The following ZDHHC3 variants were observed in gnomAD, a reference collection of about 807,000 sequenced individuals.
ZDHHC3 encodes the protein zDHHC palmitoyltransferase 3.
Under a neutral mutation model 30.6 loss-of-function variants are expected in ZDHHC3, and 9 were observed. That is an observed-to-expected ratio of 0.29 (90% CI 0.18 to 0.51). ZDHHC3 has a LOEUF of 0.51. ZDHHC3 is among the 20% of genes least tolerant of loss of function. The probability of loss-of-function intolerance (pLI) is 0.97; values close to 1 mark genes in which losing one functional copy is unlikely to be tolerated. For missense variants in ZDHHC3, 246 were observed against 384.2 expected (o/e 0.64, Z 3.01); for synonymous variants, 136 against 140.2 (o/e 0.97, Z 0.21).
chr3:44,973,911 T>C (rs1436596084), intron 1 of ZDHHC3, among the ~76,000 whole-genome samples: 2 of 152,238 alleles, frequency 1.3e-5, no homozygotes, highest in African/African-American at 2.4e-5. Context: ...ATGAATCTAA[T>C]AGTGATGGAA....
chr3:44,951,170 AT>A (rs755606741), intron 2 of ZDHHC3, among the ~76,000 whole-genome samples: 21 of 152,260 alleles, frequency 1.4e-4, no homozygotes, highest in East Asian at 9.6e-4. Context: ...CTATAGGCTC[AT>A]AAAAAGCAGA....
intron 4 of ZDHHC3, chr3:44,933,480 C>T (rs537897519): frequency 3.4e-5 from 19 of 561,248 alleles, no homozygotes; most frequent in Admixed American, 1.6e-4. Context: ...GCTGCCTGGG[C>T]GGGGGGTTCA....
rs1427822969 is a variant in ZDHHC3 at position 44,933,951 on chromosome 3, GT to G, written c.464del (p.His155ProfsTer10). ...VCKRCIRKMD[H>X]HCPWVNNCVG... ...CACAGTTGTTGACCCAGGGACAGTG[GT>G]GGTCCATCTTCCGAATGCACCGCTT... On this transcript the variant is annotated frameshift_variant, in exon 4 of 7. Transcript: ENST00000424952. LOFTEE classifies it high-confidence loss of function. 6.2e-7 allele frequency: 1 copy of G among 1,614,068 alleles called. No individual in the cohort carries two copies. The highest frequency in any genetic ancestry group is 1.3e-5 in the African/African-American group (1 of 74,930).
chr3:44,947,436 GTGGGCCTATCTATGCCT>G (rs1183635194), intron 2 of ZDHHC3, among the ~76,000 whole-genome samples: 3 of 152,214 alleles, frequency 2.0e-5, no homozygotes, highest in Non-Finnish European at 2.9e-5. Flanking sequence ...CCACTGACAG[GTGGGCCTATCTATGCCT>G]TAGTTTCCTA....
intron 2 of ZDHHC3, among the ~76,000 whole-genome samples, chr3:44,948,401 C>T (rs1167111960): frequency 6.6e-6 from 1 of 152,186 alleles, no homozygotes; most frequent in Non-Finnish European, 1.5e-5. Flanking sequence ...CTGTCTTGCA[C>T]TGTGAAAATG....
chr3:44,949,791 A>G (rs891399933), intron 2 of ZDHHC3, among the ~76,000 whole-genome samples: 1 of 152,110 alleles, frequency 6.6e-6, no homozygotes, highest in Admixed American at 6.5e-5. Context: ...GCACTGGTCC[A>G]GGCAGAGGAC....
rs552688599 is a variant in ZDHHC3, at chr3:44,961,215, A to G, written c.-24-1755T>C. Among the ~76,000 whole-genome samples, 6 of 152,290 alleles carry G rather than the reference A, an allele frequency of 3.9e-5. No homozygotes were observed. In the East Asian group the frequency reaches 1.2e-3, roughly 29 times the overall value. On this transcript the variant is annotated intron_variant, in intron 1 of 6. Transcript: ENST00000424952. ...AGACCATCCTGGCTAACACGGTGAA[A>G]CCCCATCTCTACTGAAAATACAAAA...
chr3:44,951,003 T>C (rs1256644095), intron 2 of ZDHHC3, among the ~76,000 whole-genome samples: 1 of 152,226 alleles, frequency 6.6e-6, no homozygotes, highest in Non-Finnish European at 1.5e-5. Flanking sequence ...TCCAAAGTAA[T>C]ACTTGTTCAT....
At chr3:44,943,732 G>A (rs939810569) in intron 3 of ZDHHC3, among the ~76,000 whole-genome samples, 7 of 152,134 alleles carry the variant, frequency 4.6e-5, no homozygotes, top group African/African-American at 1.4e-4. Context: ...TATGTCAGTC[G>A]AGGTGGCTCA....
At chr3:44,937,562 T>TG (rs1413800826) in intron 3 of ZDHHC3, 5 of 147,682 alleles carry the variant, frequency 3.4e-5, no homozygotes, top group Admixed American at 6.8e-5. Context: ...TTTTTTTTTT[T>TG]TTTTTTTTTT....
At chr3:44,968,742 T>C (rs1705163072) in intron 1 of ZDHHC3, among the ~76,000 whole-genome samples, 1 of 152,346 alleles carries the variant, frequency 6.6e-6, no homozygotes, top group African/African-American at 2.4e-5. Flanking sequence ...CCTTCTTCTA[T>C]GAGCCCCTTC....
intron 2 of ZDHHC3, among the ~76,000 whole-genome samples, chr3:44,955,489 A>G (rs923530296): frequency 6.7e-6 from 1 of 148,556 alleles, no homozygotes; most frequent in East Asian, 2.0e-4. Context: ...ATATATATAT[A>G]TTTTAAACTA....
Position 44,923,135 on chromosome 3 carries a change from G to A in ZDHHC3, c.*3554C>T. Reference sequence around the variant, plus strand: ...CTGTCGCCCAGGCTGGAGTGCAGTGGTGCGATCTTGGCTCACTGCAAGCTC... The same window carrying A: ...CTGTCGCCCAGGCTGGAGTGCAGTGATGCGATCTTGGCTCACTGCAAGCTC... On this transcript the variant is annotated 3_prime_UTR_variant, in exon 7 of 7. Transcript: ENST00000424952. 1.0e-6 allele frequency: 1 copy of A among 957,084 alleles called. No homozygotes were observed. Among genetic ancestry groups the A allele is most frequent in the Non-Finnish European group, 1.2e-6 (1 of 804,824 alleles). The allele number at this position is 957,084 out of a possible 1,614,324, so 59.3% of individuals were successfully genotyped here.
At chr3:44,967,470 G>T (rs1575951500) in intron 1 of ZDHHC3, among the ~76,000 whole-genome samples, 1 of 152,274 alleles carries the variant, frequency 6.6e-6, no homozygotes, top group Admixed American at 6.5e-5. Flanking sequence ...GATCACTGGA[G>T]CCCAGGAGTT....
chr3:44,940,770 A>T (rs966254511), intron 3 of ZDHHC3, among the ~76,000 whole-genome samples: 3 of 152,024 alleles, frequency 2.0e-5, no homozygotes, highest in Non-Finnish European at 2.9e-5. Context: ...ATATGTATTC[A>T]GTTTCTCTGG....
chr3:44,955,999 T>A (rs549503233), intron 2 of ZDHHC3, among the ~76,000 whole-genome samples: 1 of 152,374 alleles, frequency 6.6e-6, no homozygotes, highest in Admixed American at 6.5e-5. Context: ...GGAAGCTAAC[T>A]GTTGTTTAGG....
chr3:44,961,035 G>A (rs1252752879), intron 1 of ZDHHC3, among the ~76,000 whole-genome samples: 6 of 152,196 alleles, frequency 3.9e-5, no homozygotes, highest in East Asian at 1.9e-4. Context: ...AAGGAATATC[G>A]ACTCAGCAAA....
intron 2 of ZDHHC3, among the ~76,000 whole-genome samples, chr3:44,949,965 A>T (rs1220710276): frequency 6.6e-6 from 1 of 152,046 alleles, no homozygotes; most frequent in Non-Finnish European, 1.5e-5. Context: ...CCGCCCAAGT[A>T]GCTGGAACTA....
chr3:44,919,384 C>T lies in ZDHHC3; in HGVS notation c.*7305G>A, dbSNP rs1028319187. The stretch of plus-strand genomic sequence containing the variant: ...AAAACACAATCTGAAGGACAGCCTA[C>T]AGAATACCTGCCCTACAATCTTCAA... On this transcript the variant is annotated 3_prime_UTR_variant, in exon 7 of 7. Coordinates refer to ENST00000424952, the MANE Select transcript of ZDHHC3 (RefSeq NM_001135179.2). The T allele has an allele frequency of 6.5e-6, 1 of 152,894 alleles. No homozygotes were observed. The highest frequency in any genetic ancestry group is 2.4e-5 in the African/African-American group (1 of 41,456). The allele number at this position is 152,894 out of a possible 1,614,324, so 9.5% of individuals were successfully genotyped here. A position where few individuals can be genotyped will look rare whatever the true frequency, so the allele number is the denominator to read the frequency against.
Sources: allele counts gnomAD v4.1 joint callset (sites outside exome capture counted in the v4.1 genomes callset), GRCh38; gene constraint gnomAD v4.1.1; transcripts MANE v1.5; gene names NCBI Gene and HGNC (gene_info 2026-07-23, HGNC 2026-07-21).